GRAMD1B: variants seen among roughly 807,000 people sequenced by gnomAD.
The protein encoded by GRAMD1B is GRAM domain containing 1B.
Under a neutral mutation model 99.7 loss-of-function variants are expected in GRAMD1B, and 37 were observed. The observed-to-expected ratio is 0.37, with a 90% CI of 0.29 to 0.49. GRAMD1B has a LOEUF of 0.49. GRAMD1B is among the 20% of genes least tolerant of loss of function. The pLI is 0.98. For synonymous variants in GRAMD1B, 427 were observed against 387.6 expected, an observed-to-expected ratio of 1.10 and a Z score of -1.19; for missense variants, 888 against 1,009.2, an observed-to-expected ratio of 0.88 and a Z score of 1.63.
At chr11:123,453,991 G>A (rs1246257042) in intron 1 of GRAMD1B, among the ~76,000 whole-genome samples, 1 of 152,212 alleles carries the variant, frequency 6.6e-6, no homozygotes, top group Admixed American at 6.5e-5. Context: ...TGCCAACACT[G>A]TTCCTCACCT....
chr11:123,511,323 C>A (rs1294472976), intron 2 of GRAMD1B, among the ~76,000 whole-genome samples: 2 of 152,138 alleles, frequency 1.3e-5, no homozygotes, highest in African/African-American at 4.8e-5. Context: ...CCGCTGGCCC[C>A]GCCCACTGCT....
At chr11:123,566,659 G>C (rs186332962) in intron 2 of GRAMD1B, among the ~76,000 whole-genome samples, 8 of 152,092 alleles carry the variant, frequency 5.3e-5, no homozygotes, top group South Asian at 2.1e-4. Flanking sequence ...CCAGCTATTC[G>C]GGAGGCTGAG....
chr11:123,588,229 C>A lies in GRAMD1B; in HGVS notation c.684+3897C>A, dbSNP rs551578952. 5.6e-4 allele frequency among the ~76,000 whole-genome samples: 85 copies of A among 152,280 alleles called. 1 individual carries two copies. The highest frequency in any genetic ancestry group is 1.1e-3 in the Non-Finnish European group (74 of 68,038). On this transcript the variant is annotated intron_variant, in intron 4 of 19. Transcript: ENST00000635736. ...TGTTTTCTCCTGGGCTCCTCCACCC[C>A]CTCCTTCTCGCCATCCCTGGGAAGA...
chr11:123,421,795 T>C (rs1948446081), intron 1 of GRAMD1B, among the ~76,000 whole-genome samples: 1 of 152,242 alleles, frequency 6.6e-6, no homozygotes, highest in South Asian at 2.1e-4. Context: ...CCCAAAGTTA[T>C]GCAACAAATG....
intron 2 of GRAMD1B, among the ~76,000 whole-genome samples, chr11:123,500,093 C>T (rs770858245): frequency 1.2e-4 from 19 of 152,216 alleles, no homozygotes; most frequent in East Asian, 3.9e-4. Flanking sequence ...TTTGGGAGGC[C>T]GAGGCAGGCA....
intron 1 of GRAMD1B, among the ~76,000 whole-genome samples, chr11:123,393,010 G>A (rs912072863): frequency 6.6e-6 from 1 of 152,180 alleles, no homozygotes; most frequent in African/African-American, 2.4e-5. Flanking sequence ...TGAACAGGAT[G>A]AGGCCAGACA....
At chr11:123,599,147 G>A in intron 7 of GRAMD1B, 1 of 796,498 alleles carries the variant, frequency 1.3e-6, no homozygotes, top group Non-Finnish European at 2.3e-6. Context: ...TTGCCACATA[G>A]ATCTCATTTG....
At chr11:123,429,109 C>T (rs1948754913), upstream of GRAMD1B, among the ~76,000 whole-genome samples, 1 of 152,164 alleles carries the variant, frequency 6.6e-6, no homozygotes, top group Non-Finnish European at 1.5e-5. The surrounding 1 kb of genome is among the most constrained non-coding windows in gnomAD (Gnocchi z 4.0). Flanking sequence ...GGGAGGACAG[C>T]TTGAGCCCAG....
intron 1 of GRAMD1B, among the ~76,000 whole-genome samples, chr11:123,416,863 TA>T (rs1313578002): frequency 6.6e-6 from 1 of 152,214 alleles, no homozygotes; most frequent in African/African-American, 2.4e-5. Context: ...TCTTCCACAA[TA>T]AGCCCTTGAG....
At position 123,591,402 on chromosome 11, in the gene GRAMD1B, C is replaced by T. The variant is rs1243958677; in HGVS notation, c.685-2680C>T. The T allele has an allele frequency of 5.0e-6, 2 of 399,040 alleles. No homozygotes were observed. Among genetic ancestry groups the T allele is most frequent in the East Asian group, 3.6e-5 (1 of 28,092 alleles). 24.7% of individuals were successfully genotyped at this position (399,040 alleles called of 1,614,324 possible). A position where few individuals can be genotyped will look rare whatever the true frequency, so the allele number is the denominator to read the frequency against. Reference sequence around the variant, plus strand: ...GGGCAGCCGTGCTGGGCAATGGAATCACTGACGGAGTCGGGGGTCCTCTGG... The same window carrying T: ...GGGCAGCCGTGCTGGGCAATGGAATTACTGACGGAGTCGGGGGTCCTCTGG... On this transcript the variant is annotated intron_variant, in intron 4 of 19. Coordinates refer to ENST00000635736, the MANE Select transcript of GRAMD1B (RefSeq NM_001387025.1). The surrounding 1 kb of genome is among the most constrained non-coding windows in gnomAD (Gnocchi z 4.7).
At chr11:123,409,552 C>T (rs371968604) in intron 1 of GRAMD1B, among the ~76,000 whole-genome samples, 2 of 152,218 alleles carry the variant, frequency 1.3e-5, no homozygotes, top group South Asian at 2.1e-4. Flanking sequence ...TTTCTGAGAA[C>T]GAGACTGCAA....
chr11:123,448,811 C>T (rs894285541), intron 1 of GRAMD1B, among the ~76,000 whole-genome samples: 3 of 152,216 alleles, frequency 2.0e-5, no homozygotes, highest in African/African-American at 7.2e-5. Context: ...GTTCCTCAAG[C>T]CTGCCTTCTC....
intron 1 of GRAMD1B, among the ~76,000 whole-genome samples, chr11:123,447,082 G>A (rs1949677921): frequency 6.6e-6 from 1 of 152,068 alleles, no homozygotes; most frequent in African/African-American, 2.4e-5. Context: ...TAATTTCAGT[G>A]GCATATGGCA....
intron 1 of GRAMD1B, among the ~76,000 whole-genome samples, chr11:123,420,525 T>C (rs1948394580): frequency 6.6e-6 from 1 of 152,228 alleles, no homozygotes; most frequent in Non-Finnish European, 1.5e-5. Flanking sequence ...TTTTTTTCTC[T>C]TTAATATTTA....
intron 2 of GRAMD1B, chr11:123,491,823 T>C: frequency 2.5e-6 from 1 of 399,020 alleles, no homozygotes; most frequent in South Asian, 1.3e-4. Context: ...CCAGCTGCCA[T>C]GTGGCCAGCC....
At chr11:123,484,562 T>C (rs924974359) in intron 2 of GRAMD1B, among the ~76,000 whole-genome samples, 1 of 152,166 alleles carries the variant, frequency 6.6e-6, no homozygotes, top group Non-Finnish European at 1.5e-5. Context: ...AAGCTCTTTA[T>C]GGTGGATGGG....
Position 123,470,084 on chromosome 11 carries a change from A to G in GRAMD1B, c.375-10732A>G, listed in dbSNP as rs77494529. On this transcript the variant is annotated intron_variant, in intron 1 of 19. Transcript: ENST00000635736. ...TAAGGACACCCTAGATGAGCTTACT[A>G]TGGTTCACACTGACTTTACTGGGTT... Among the ~76,000 whole-genome samples the G allele has an allele frequency of 2.8e-3, 422 of 152,308 alleles. 3 individuals are homozygous for G. The highest frequency in any genetic ancestry group is 9.7e-3 in the African/African-American group (405 of 41,560).
In GRAMD1B at chr11:123,591,804, T is replaced by A. The variant is rs894528177; in HGVS notation, c.685-2278T>A. Reference sequence around the variant, plus strand: ...GCCTGCCATGCACACAACAGCCTTGTGGAATAGGCTTGTGTTGGGAAGCCT... The same window carrying A: ...GCCTGCCATGCACACAACAGCCTTGAGGAATAGGCTTGTGTTGGGAAGCCT... On this transcript the variant is annotated intron_variant, in intron 4 of 19. Coordinates refer to ENST00000635736, the MANE Select transcript of GRAMD1B (RefSeq NM_001387025.1). The surrounding 1 kb of genome is among the most constrained non-coding windows in gnomAD (Gnocchi z 4.7). Among the ~76,000 whole-genome samples, 2 of 152,150 alleles carry A rather than the reference T, an allele frequency of 1.3e-5. No homozygotes were observed. Among genetic ancestry groups the A allele is most frequent in the African/African-American group, 4.8e-5 (2 of 41,440 alleles).
chr11:123,584,373 A>T, intron 4 of GRAMD1B, 41 bp downstream of exon 4: 7 of 79,428 alleles, frequency 8.8e-5, no homozygotes, highest in Non-Finnish European at 1.5e-4. Context: ...TACCTGAGAA[A>T]TGGGAGGGGG....
Sources: allele counts gnomAD v4.1 joint callset (sites outside exome capture counted in the v4.1 genomes callset), GRCh38; gene constraint gnomAD v4.1.1; non-coding constraint Gnocchi (gnomAD v3.1); transcripts MANE v1.5; gene names NCBI Gene and HGNC (gene_info 2026-07-23, HGNC 2026-07-21).